C8orf34: variants seen among roughly 807,000 people sequenced by gnomAD.
The protein encoded by C8orf34 is chromosome 8 open reading frame 34.
C8orf34 carries 65 observed loss-of-function variants against 68.3 expected under a neutral mutation model. The observed-to-expected ratio is 0.95, with a 90% CI of 0.78 to 1.17. The LOEUF (loss-of-function observed/expected upper bound fraction) is 1.17, where lower values mean the gene tolerates loss of function less well. Ranked by LOEUF, C8orf34 falls within the 50% of genes most tolerant of loss-of-function variation. The pLI, the probability that C8orf34 is intolerant of heterozygous loss-of-function variation, is 0.00. For synonymous variants in C8orf34, 244 were observed against 241.2 expected (o/e 1.01, Z -0.11); for missense variants, 664 against 655.4 (o/e 1.01, Z -0.14).
chr8:68,621,538 G>A (rs73276553), intron 7 of C8orf34, among the ~76,000 whole-genome samples: 1,960 of 151,936 alleles, frequency 0.013, 39 homozygotes, highest in African/African-American at 0.044. Context: ...AATATTCTAC[G>A]GTCAACTTGG....
At position 68,789,144 on chromosome 8, in the gene C8orf34, T is replaced by C. The variant is rs138711022; in HGVS notation, c.1549+1608T>C. ...TTCTAGATTTTGGCTGTAGTGGTTT[T>C]TCACCAATTCTTTTGAGGCCTTCGA... On this transcript the variant is annotated intron_variant, in intron 12 of 13. Coordinates refer to ENST00000518698, the MANE Select transcript of C8orf34 (RefSeq NM_052958.4). Among the ~76,000 whole-genome samples the C allele has an allele frequency of 1.7e-3, 259 of 152,342 alleles. 3 individuals are homozygous for C. Among genetic ancestry groups the C allele is most frequent in the African/African-American group, 6.0e-3 (248 of 41,576 alleles).
chr8:68,765,132 A>C (rs536287174), intron 10 of C8orf34, among the ~76,000 whole-genome samples: 2 of 152,234 alleles, frequency 1.3e-5, no homozygotes, highest in African/African-American at 4.8e-5. Context: ...AATGACAGCC[A>C]GGGATTTGTC....
intron 7 of C8orf34, among the ~76,000 whole-genome samples, chr8:68,622,423 T>C (rs1818414355): frequency 6.6e-6 from 1 of 152,140 alleles, no homozygotes; most frequent in South Asian, 2.1e-4. Flanking sequence ...CTCTTCCTCT[T>C]GTTTTCTTTC....
rs1416299740 is a variant in C8orf34, at chr8:68,611,407, A to C, written c.1106-28969A>C. 3.3e-5 allele frequency among the ~76,000 whole-genome samples: 5 copies of C among 152,280 alleles called. No individual in the cohort carries two copies. In the East Asian group the frequency reaches 9.7e-4, roughly 29 times the overall value. ...AGAGAAATCCTTAGGCTTGGGTAAA[A>C]TACTTTGATTTCAAGAGGTCCTCTC... On this transcript the variant is annotated intron_variant, in intron 7 of 13. Transcript: ENST00000518698.
At chr8:68,768,754 A>C (rs556823278) in intron 10 of C8orf34, among the ~76,000 whole-genome samples, 1 of 152,290 alleles carries the variant, frequency 6.6e-6, no homozygotes, top group African/African-American at 2.4e-5. Flanking sequence ...CATAGGATAT[A>C]GCCTCTGCAT....
At chr8:68,409,650 A>G (rs1809358366) in intron 1 of C8orf34, among the ~76,000 whole-genome samples, 1 of 152,148 alleles carries the variant, frequency 6.6e-6, no homozygotes. Flanking sequence ...GAAGAAAGGA[A>G]TGCCTTTTTG....
intron 1 of C8orf34, among the ~76,000 whole-genome samples, chr8:68,358,657 CTTT>C (rs369908740): frequency 1.4e-5 from 2 of 146,670 alleles, no homozygotes; most frequent in African/African-American, 5.0e-5. Flanking sequence ...GCAATTTATT[CTTT>C]TTTTTTTGGA....
intron 7 of C8orf34, among the ~76,000 whole-genome samples, chr8:68,590,088 A>C (rs1006180470): frequency 6.6e-6 from 1 of 151,134 alleles, no homozygotes; most frequent in Admixed American, 6.6e-5. Context: ...AAAGAATGAA[A>C]GAAGGAACGA....
intron 1 of C8orf34, among the ~76,000 whole-genome samples, chr8:68,378,084 A>C (rs555529749): frequency 1.3e-5 from 2 of 152,278 alleles, no homozygotes; most frequent in East Asian, 3.9e-4. Context: ...TTCAAGATGA[A>C]AGTTTGGGTG....
chr8:68,621,261 T>G (rs1818381406), intron 7 of C8orf34, among the ~76,000 whole-genome samples: 2 of 152,146 alleles, frequency 1.3e-5, no homozygotes, highest in South Asian at 4.1e-4. Flanking sequence ...TGTGTGTGTG[T>G]GTCTTCTATG....
At chr8:68,490,672 C>CATAA (rs1438678103) in intron 5 of C8orf34, among the ~76,000 whole-genome samples, 1 of 148,048 alleles carries the variant, frequency 6.8e-6, no homozygotes, top group African/African-American at 2.5e-5. Context: ...CAAAAGTTGT[C>CATAA]ATAAATAACT....
chr8:68,652,148 G>T (rs954399548), intron 8 of C8orf34, among the ~76,000 whole-genome samples: 2 of 152,292 alleles, frequency 1.3e-5, no homozygotes, highest in Non-Finnish European at 2.9e-5. Context: ...CAGAGGAGAG[G>T]AAGGTGAGCC....
At chr8:68,409,436 T>C (rs943136952) in intron 1 of C8orf34, among the ~76,000 whole-genome samples, 9 of 152,178 alleles carry the variant, frequency 5.9e-5, no homozygotes, top group Non-Finnish European at 1.3e-4. Flanking sequence ...TGTGCCTTAG[T>C]TTTTTAACAA....
chr8:68,505,200 G>T (rs1204068469), intron 5 of C8orf34, among the ~76,000 whole-genome samples: 1 of 152,010 alleles, frequency 6.6e-6, no homozygotes, highest in Non-Finnish European at 1.5e-5. Flanking sequence ...CATTTGTTAT[G>T]GTTTGTCTTT....
chr8:68,687,844 A>G (rs562792444), intron 8 of C8orf34, among the ~76,000 whole-genome samples: 1 of 152,300 alleles, frequency 6.6e-6, no homozygotes, highest in Admixed American at 6.5e-5. Context: ...GAATAGAGAA[A>G]ATATTCACAA....
intron 8 of C8orf34, among the ~76,000 whole-genome samples, chr8:68,702,207 A>G (rs1821038106): frequency 6.6e-6 from 1 of 152,052 alleles, no homozygotes; most frequent in Admixed American, 6.6e-5. Context: ...TCCAGCCACC[A>G]TGGGCACTCT....
chr8:68,600,497 C>A (rs1817668594), intron 7 of C8orf34, among the ~76,000 whole-genome samples: 1 of 152,054 alleles, frequency 6.6e-6, no homozygotes, highest in African/African-American at 2.4e-5. Context: ...TTTAGCCATT[C>A]TGTTAGGATA....
chr8:68,756,026 C>T (rs1274904903), intron 10 of C8orf34, among the ~76,000 whole-genome samples: 1 of 151,290 alleles, frequency 6.6e-6, no homozygotes, highest in Non-Finnish European at 1.5e-5. Flanking sequence ...GAGATTGCGC[C>T]ACTGCACTCC....
intron 1 of C8orf34, among the ~76,000 whole-genome samples, chr8:68,362,763 C>G (rs550968503): frequency 0.028 from 4,158 of 151,182 alleles, 77 homozygotes; most frequent in Middle Eastern, 0.054. Flanking sequence ...TCATCAAAGA[C>G]CAAAAGTAGA....
Sources: gnomAD v4.1 joint callset for allele counts (sites outside exome capture counted in the v4.1 genomes callset) on GRCh38, gnomAD v4.1.1 for gene constraint, MANE v1.5 for transcripts, NCBI Gene and HGNC (gene_info 2026-07-23, HGNC 2026-07-21) for gene names.